The following PDE4D variants were observed in gnomAD, a reference collection of about 807,000 sequenced individuals.
The protein encoded by PDE4D is phosphodiesterase 4D.
Under a neutral mutation model 87.4 loss-of-function variants are expected in PDE4D, and 24 were observed. The ratio of observed to expected loss-of-function variants is 0.27; its 90% CI spans 0.20 to 0.39. The LOEUF is 0.39. PDE4D is among the 10% of genes least tolerant of loss of function. PDE4D has a pLI of 1.00. For missense variants in PDE4D, 714 were observed against 1,041.0 expected (o/e 0.69, Z 4.32); for synonymous variants, 384 against 383.2 (o/e 1.00, Z -0.02).
chr5:59,331,806 TC>T (rs1255206434), intron 1 of PDE4D, among the ~76,000 whole-genome samples: 1 of 152,206 alleles, frequency 6.6e-6, no homozygotes, highest in Non-Finnish European at 1.5e-5. Flanking sequence ...AACACAGGCT[TC>T]TATTTCCTAC....
At chr5:59,997,544 G>C (rs953468683) in intron 2 of PDE4D, among the ~76,000 whole-genome samples, 1 of 152,050 alleles carries the variant, frequency 6.6e-6, no homozygotes, top group African/African-American at 2.4e-5. Flanking sequence ...TGTAAATCTA[G>C]AATAAACTAA....
rs553034069 is a variant in PDE4D, at chr5:59,593,543, T to C, written c.455+299625A>G. On this transcript the variant is annotated intron_variant, in intron 1 of 14. Coordinates refer to ENST00000340635, the MANE Select transcript of PDE4D (RefSeq NM_001104631.2). ...GTTCCTCACATAAGGAGCTTGGAAG[T>C]TGCCAATCTGTCCTAACAACAAAAA... Among the ~76,000 whole-genome samples, 8 of 152,284 alleles carry C rather than the reference T, an allele frequency of 5.3e-5. No homozygotes were observed. The South Asian group carries it at 1.2e-3, about 24-fold the overall frequency.
At chr5:60,286,045 T>C (rs1242912833) in intron 1 of PDE4D, among the ~76,000 whole-genome samples, 1 of 152,190 alleles carries the variant, frequency 6.6e-6, no homozygotes, top group African/African-American at 2.4e-5. Context: ...GACATTTTGA[T>C]TGGACAACTT....
chr5:59,429,051 C>A (rs1267127252), intron 1 of PDE4D, among the ~76,000 whole-genome samples: 1 of 152,014 alleles, frequency 6.6e-6, no homozygotes, highest in African/African-American at 2.4e-5. Context: ...TGCATATACA[C>A]AATATACATA....
At chr5:59,750,627 T>C (rs1760303904) in intron 1 of PDE4D, among the ~76,000 whole-genome samples, 1 of 152,162 alleles carries the variant, frequency 6.6e-6, no homozygotes, top group South Asian at 2.1e-4. Flanking sequence ...TGTGTTGTCT[T>C]CTCCTTTATT....
intron 1 of PDE4D, among the ~76,000 whole-genome samples, chr5:59,708,734 A>C (rs1255389635): frequency 6.6e-6 from 1 of 152,182 alleles, no homozygotes; most frequent in African/African-American, 2.4e-5. Flanking sequence ...ATGAAGGGTC[A>C]AATTAGCTAT....
At position 59,381,848 on chromosome 5, in the gene PDE4D, AT is replaced by A. The variant is rs34984294; in HGVS notation, c.456-165881del. Reference sequence around the variant, plus strand: ...AACATGTTTCAGAATAGTTACAGCCATTTTTTTTATTCAAAGGTACATGTCA... The same window carrying A: ...AACATGTTTCAGAATAGTTACAGCCATTTTTTTATTCAAAGGTACATGTCA... On this transcript the variant is annotated intron_variant, in intron 1 of 14. Transcript: ENST00000340635. Among the ~76,000 whole-genome samples, 13 of 151,768 alleles carry A rather than the reference AT, an allele frequency of 8.6e-5. No individual in the cohort carries two copies. In the East Asian group the frequency reaches 1.2e-3, roughly 14 times the overall value.
chr5:60,035,312 T>C (rs1192120781), intron 2 of PDE4D, among the ~76,000 whole-genome samples: 2 of 151,890 alleles, frequency 1.3e-5, no homozygotes, highest in East Asian at 1.9e-4. Context: ...ATGTTGAGAA[T>C]AGCACATCAA....
intron 1 of PDE4D, among the ~76,000 whole-genome samples, chr5:59,770,284 CT>C (rs1189698511): frequency 6.6e-6 from 1 of 152,206 alleles, no homozygotes; most frequent in Admixed American, 6.5e-5. Flanking sequence ...ACTGAACGGC[CT>C]TAGAAGTTGT....
At chr5:60,101,892 C>G (rs1776254962) in intron 2 of PDE4D, among the ~76,000 whole-genome samples, 1 of 152,128 alleles carries the variant, frequency 6.6e-6, no homozygotes, top group Non-Finnish European at 1.5e-5. Flanking sequence ...GGATGACTAA[C>G]ACTTATTAGT....
intron 1 of PDE4D, among the ~76,000 whole-genome samples, chr5:60,338,605 G>T (rs1457700343): frequency 6.6e-6 from 1 of 152,076 alleles, no homozygotes; most frequent in Middle Eastern, 3.2e-3. Flanking sequence ...CATGTGACTC[G>T]CCCGGAGGTC....
chr5:59,786,946 C>T (rs1264618364), intron 1 of PDE4D, among the ~76,000 whole-genome samples: 3 of 151,944 alleles, frequency 2.0e-5, no homozygotes, highest in Admixed American at 1.3e-4. Context: ...TAAACAAAAG[C>T]GATAATAAAA....
intron 1 of PDE4D, among the ~76,000 whole-genome samples, chr5:59,687,053 G>A (rs1346318072): frequency 6.6e-6 from 1 of 152,152 alleles, no homozygotes; most frequent in Non-Finnish European, 1.5e-5. Flanking sequence ...ATAGAAACAT[G>A]AGACTGGCTA....
intron 1 of PDE4D, among the ~76,000 whole-genome samples, chr5:59,321,393 C>A (rs1323877459): frequency 6.6e-6 from 1 of 152,098 alleles, no homozygotes; most frequent in Non-Finnish European, 1.5e-5. Flanking sequence ...TCAAGCACAA[C>A]CCCTGTGACA....
intron 1 of PDE4D, among the ~76,000 whole-genome samples, chr5:59,598,523 G>A (rs796074306): frequency 4.6e-5 from 7 of 152,236 alleles, no homozygotes; most frequent in African/African-American, 1.4e-4. Context: ...TTTTCTCCTC[G>A]TCTTCCATAA....
chr5:59,202,540 T>G (rs1034995370), intron 2 of PDE4D, among the ~76,000 whole-genome samples: 2 of 151,904 alleles, frequency 1.3e-5, no homozygotes, highest in African/African-American at 4.8e-5. Context: ...TAAAGCAGGT[T>G]AGAATTTTTT....
chr5:59,244,119 T>C (rs1581573192), intron 1 of PDE4D, among the ~76,000 whole-genome samples: 3 of 152,040 alleles, frequency 2.0e-5, no homozygotes, highest in South Asian at 4.1e-4. Context: ...AAGCGAAGAA[T>C]GCAGAATAAA....
intron 6 of PDE4D, chr5:59,000,041 C>G (rs557412900): frequency 1.7e-5 from 7 of 409,404 alleles, no homozygotes; most frequent in Non-Finnish European, 3.3e-6. Flanking sequence ...GGCCTCGGTG[C>G]AGGCTGCTTT....
intron 1 of PDE4D, among the ~76,000 whole-genome samples, chr5:59,626,752 TTAAA>T (rs1830946037): frequency 6.6e-6 from 1 of 152,214 alleles, no homozygotes; most frequent in African/African-American, 2.4e-5. Context: ...AATATTTTGA[TTAAA>T]TAAATTAAGG....
Sources: allele counts gnomAD v4.1 joint callset (sites outside exome capture counted in the v4.1 genomes callset), GRCh38; gene constraint gnomAD v4.1.1; transcripts MANE v1.5; gene names NCBI Gene and HGNC (gene_info 2026-07-23, HGNC 2026-07-21).